CKAP2: variants seen among roughly 807,000 people sequenced by gnomAD.
The protein encoded by CKAP2 is cytoskeleton-associated protein 2.
A neutral mutation model predicts 58.4 loss-of-function variants in CKAP2; 46 were observed. That is an observed-to-expected ratio of 0.79 (90% CI 0.62 to 1.01). The LOEUF (loss-of-function observed/expected upper bound fraction) is 1.01. CKAP2 is among the 50% of genes least tolerant of loss of function. The pLI is 0.00. For missense variants in CKAP2, 809 were observed against 796.4 expected, an observed-to-expected ratio of 1.02 and a Z score of -0.19; for synonymous variants, 293 against 280.9, an observed-to-expected ratio of 1.04 and a Z score of -0.43.
chr13:52,476,554 A>G lies in CKAP2; in HGVS notation c.*1413A>G, dbSNP rs530598477. 9 of 152,358 alleles carry G rather than the reference A, an allele frequency of 5.9e-5. No individual in the cohort carries two copies. Among genetic ancestry groups the G allele is most frequent in the Middle Eastern group, 6.8e-3 (2 of 294 alleles). The allele number at this position is 152,358 out of a possible 1,614,324, so 9.4% of individuals were successfully genotyped here. A position where few individuals can be genotyped will look rare whatever the true frequency, so the allele number is the denominator to read the frequency against. Reference sequence around the variant, plus strand: ...TAATTTTTTTCACTTTAACAAAAACATAACTATGCCCTTGTTTTTTCATAC... The same window carrying G: ...TAATTTTTTTCACTTTAACAAAAACGTAACTATGCCCTTGTTTTTTCATAC... On this transcript the variant is annotated 3_prime_UTR_variant, in exon 9 of 9. Coordinates refer to ENST00000258607, the MANE Select transcript of CKAP2 (RefSeq NM_018204.5).
intron 7 of CKAP2, among the ~76,000 whole-genome samples, chr13:52,469,446 A>G (rs1958727394): frequency 6.6e-6 from 1 of 152,222 alleles, no homozygotes; most frequent in African/African-American, 2.4e-5. Context: ...GAGATAAGAG[A>G]TTCATTAGTT....
intron 6 of CKAP2, among the ~76,000 whole-genome samples, chr13:52,467,914 A>G (rs892629458): frequency 2.0e-5 from 3 of 150,846 alleles, no homozygotes; most frequent in African/African-American, 4.9e-5. Context: ...GGTTCACGCC[A>G]TTCTCCTGCC....
rs1958815533 is a variant in CKAP2, at chr13:52,475,445, A to G, written c.*304A>G. The G allele has an allele frequency of 8.2e-6, 2 of 244,404 alleles. No individual in the cohort carries two copies. Among genetic ancestry groups the G allele is most frequent in the East Asian group, 1.6e-4 (2 of 12,612 alleles). 15.1% of individuals were successfully genotyped at this position (244,404 alleles called of 1,614,324 possible). On this transcript the variant is annotated 3_prime_UTR_variant, in exon 9 of 9. Coordinates refer to ENST00000258607, the MANE Select transcript of CKAP2 (RefSeq NM_018204.5). ...GTTATAATACTACCCTGTTCACTTT[A>G]CTAAATATAAGTACAGTAATGATGC...
Position 52,475,158 on chromosome 13 carries a change from T to A in CKAP2, c.*17T>A. ...ACAACATAAGAGAAATAAAGCTCTG[T>A]TAGGGAATGGGGTTTTTATTATTTG... On this transcript the variant is annotated 3_prime_UTR_variant, in exon 9 of 9. Transcript: ENST00000258607. 6.2e-7 allele frequency: 1 copy of A among 1,607,254 alleles called. No homozygotes were observed. The highest frequency in any genetic ancestry group is 8.5e-7 in the Non-Finnish European group (1 of 1,176,298).
At position 52,473,927 on chromosome 13, in the gene CKAP2, G is replaced by C. The variant is rs767952672; in HGVS notation, c.1645G>C (p.Glu549Gln). Residue 549 changes from glutamate (E) to glutamine (Q), a missense_variant, in exon 8 of 9, where the codon GAG becomes CAG. Glu to Gln is a conservative substitution (Grantham distance 29, BLOSUM62 2). This residue lies in a region of CKAP2 where 283 missense variants were observed against 287.6 expected (regional missense o/e 0.98). Coordinates refer to ENST00000258607, the MANE Select transcript of CKAP2 (RefSeq NM_018204.5). ...TGTAGATCCAGAAAAACTGGAAATG[G>C]AGAGTAAACTTCATAGAAATTTGCT... is the stretch of plus-strand genomic sequence containing the variant. Reference protein sequence around the residue: ...VDVDPEKLEMESKLHRNLLFQ... With the variant: ...VDVDPEKLEMQSKLHRNLLFQ... 19 of 1,613,838 alleles carry C rather than the reference G, an allele frequency of 1.2e-5. No homozygotes were observed. The highest frequency in any genetic ancestry group is 1.6e-5 in the Non-Finnish European group (19 of 1,179,968).
intron 2 of CKAP2, 78 bp from the exon 3 acceptor site, chr13:52,460,821 G>A: frequency 1.7e-6 from 2 of 1,187,468 alleles, no homozygotes; most frequent in African/African-American, 1.6e-5. Flanking sequence ...TGTTAACATT[G>A]CCCTCTTCTT....
chr13:52,465,656 G>A (rs893452833), intron 6 of CKAP2, 191 bp downstream of exon 6: 6 of 655,086 alleles, frequency 9.2e-6, no homozygotes, highest in African/African-American at 7.3e-5. Context: ...CCTGTATTGG[G>A]AATAATCAGA....
chr13:52,455,551 G>A lies in CKAP2; in HGVS notation c.-6G>A, dbSNP rs1958461627. On this transcript the variant is annotated 5_prime_UTR_variant, in exon 1 of 9. Transcript: ENST00000258607. ...GCGGAGACGCATCCCCCGACCCGAG[G>A]CTACGATGAGCACACCGGCCGTGCC... The A allele has an allele frequency of 6.2e-7, 1 of 1,612,894 alleles. No homozygotes were observed. The highest frequency in any genetic ancestry group is 8.5e-7 in the Non-Finnish European group (1 of 1,179,774).
Position 52,456,534 on chromosome 13 carries a change from CA to C in CKAP2, c.87del (p.Lys29AsnfsTer7). On this transcript the variant is annotated frameshift_variant, in exon 2 of 9. Transcript: ENST00000258607. LOFTEE classifies it high-confidence loss of function. ...CCTTTGTTATCTAGAGCAAAGAAGACAAAAACTCAAGGAACATCTGTTGAGA... is the reference window on the plus strand; with the variant it reads ...CCTTTGTTATCTAGAGCAAAGAAGACAAAACTCAAGGAACATCTGTTGAGA... Reference protein sequence around the residue: ...AQSAFKEQRRQKLKEHLLRRK... With the variant: ...AQSAFKEQRRXKLKEHLLRRK... The C allele has an allele frequency of 1.9e-6, 3 of 1,612,458 alleles. No individual in the cohort carries two copies. The highest frequency in any genetic ancestry group is 1.1e-5 in the South Asian group (1 of 90,810).
chr13:52,459,755 A>G (rs1958540869), intron 2 of CKAP2, among the ~76,000 whole-genome samples: 1 of 152,220 alleles, frequency 6.6e-6, no homozygotes, highest in South Asian at 2.1e-4. Flanking sequence ...AAATTGTTAA[A>G]ATCACTTGCT....
chr13:52,458,604 T>C lies in CKAP2; in HGVS notation c.155+1997T>C, dbSNP rs184475715. On this transcript the variant is annotated intron_variant, in intron 2 of 8. Coordinates refer to ENST00000258607, the MANE Select transcript of CKAP2 (RefSeq NM_018204.5). ...TTGGCTGGGTGCAGTGGCTCATGCC[T>C]GTAATCCCAGCACTTTGGGAGGCTG... Among the ~76,000 whole-genome samples the C allele has an allele frequency of 7.4e-3, 1,124 of 152,292 alleles. 6 individuals are homozygous for C. Among genetic ancestry groups the C allele is most frequent in the African/African-American group, 0.017 (702 of 41,568 alleles).
At chr13:52,472,511 A>G (rs970259188) in intron 7 of CKAP2, among the ~76,000 whole-genome samples, 7 of 152,070 alleles carry the variant, frequency 4.6e-5, no homozygotes, top group South Asian at 4.1e-4. Context: ...TTCCAGCTCA[A>G]TGGATTCACC....
At position 52,455,517 on chromosome 13, in the gene CKAP2, G is replaced by C. The variant is rs1474543223; in HGVS notation, c.-40G>C. On this transcript the variant is annotated 5_prime_UTR_variant, in exon 1 of 9. Coordinates refer to ENST00000258607, the MANE Select transcript of CKAP2 (RefSeq NM_018204.5). ...CGGTGGTCTGAGGAAGTTCTATCTT[G>C]GCGCTAAAGCGGAGACGCATCCCCC... 6.2e-7 allele frequency: 1 copy of C among 1,611,556 alleles called. No individual in the cohort carries two copies. Among genetic ancestry groups the C allele is most frequent in the South Asian group, 1.1e-5 (1 of 91,062 alleles).
In CKAP2 at chr13:52,476,576, A is replaced by G. The variant is rs1958832413; in HGVS notation, c.*1435A>G. The G allele has an allele frequency of 1.3e-5, 2 of 152,076 alleles. No homozygotes were observed. Among genetic ancestry groups the G allele is most frequent in the Non-Finnish European group, 2.9e-5 (2 of 68,004 alleles). The allele number at this position is 152,076 out of a possible 1,614,324, so 9.4% of individuals were successfully genotyped here. ...AACATAACTATGCCCTTGTTTTTTC[A>G]TACTTTGACCCAAAATATGCCATTT... On this transcript the variant is annotated 3_prime_UTR_variant, in exon 9 of 9. Transcript: ENST00000258607.
chr13:52,463,636 A>G (rs1958618209), intron 5 of CKAP2, among the ~76,000 whole-genome samples: 1 of 152,142 alleles, frequency 6.6e-6, no homozygotes, highest in South Asian at 2.1e-4. Flanking sequence ...ATTAAGAGGT[A>G]TTTTACACCG....
intron 2 of CKAP2, among the ~76,000 whole-genome samples, chr13:52,459,303 AATATAT>A (rs376021112): frequency 2.0e-5 from 3 of 151,024 alleles, no homozygotes; most frequent in African/African-American, 7.3e-5. Flanking sequence ...TCAAATGTAA[AATATAT>A]ATATATATAT....
chr13:52,455,543 G>C lies in CKAP2; in HGVS notation c.-14G>C. 1.2e-6 allele frequency: 2 copies of C among 1,612,894 alleles called. No individual in the cohort carries two copies. Among genetic ancestry groups the C allele is most frequent in the Non-Finnish European group, 1.7e-6 (2 of 1,179,818 alleles). On this transcript the variant is annotated 5_prime_UTR_variant, in exon 1 of 9. Coordinates refer to ENST00000258607, the MANE Select transcript of CKAP2 (RefSeq NM_018204.5). Reference sequence around the variant, plus strand: ...GCGCTAAAGCGGAGACGCATCCCCCGACCCGAGGCTACGATGAGCACACCG... The same window carrying C: ...GCGCTAAAGCGGAGACGCATCCCCCCACCCGAGGCTACGATGAGCACACCG...
At chr13:52,466,555 C>T (rs1352047614) in intron 6 of CKAP2, among the ~76,000 whole-genome samples, 2 of 152,176 alleles carry the variant, frequency 1.3e-5, no homozygotes, top group Admixed American at 6.5e-5. Context: ...AGGGACATTA[C>T]TTAAGGCAGC....
rs939417892 is a variant in CKAP2 at position 52,471,019 on chromosome 13, A to G, written c.1546+2672A>G. The stretch of plus-strand genomic sequence containing the variant: ...CTAAAAATACAAAAATTAGCTGGGC[A>G]TGGTAGCATGTGCCTGTAATCCCAG... On this transcript the variant is annotated intron_variant, in intron 7 of 8. Transcript: ENST00000258607. 2.0e-5 allele frequency among the ~76,000 whole-genome samples: 3 copies of G among 152,078 alleles called. No individual in the cohort carries two copies. In the South Asian group the frequency reaches 6.2e-4, roughly 32 times the overall value.
Sources: gnomAD v4.1 joint callset for allele counts (sites outside exome capture counted in the v4.1 genomes callset) on GRCh38, gnomAD v4.1.1 for gene constraint, gnomAD v4.1.1 regional missense constraint, MANE v1.5 for transcripts, NCBI Gene and HGNC (gene_info 2026-07-23, HGNC 2026-07-21) for gene names.